PLD5: variants seen among roughly 807,000 people sequenced by gnomAD.
PLD5 encodes the protein phospholipase D family member 5.
A neutral mutation model predicts 61.1 loss-of-function variants in PLD5; 36 were observed. That is an observed-to-expected ratio of 0.59 (90% CI 0.45 to 0.78). The LOEUF is 0.78. Ranked by LOEUF, PLD5 falls within the 30% of genes least tolerant of loss-of-function variation. The probability of loss-of-function intolerance (pLI) is 0.00; values close to 1 mark genes in which losing one functional copy is unlikely to be tolerated. For synonymous variants in PLD5, 243 were observed against 242.8 expected (o/e 1.00, Z -0.01); for missense variants, 515 against 644.4 (o/e 0.80, Z 2.17).
intron 1 of PLD5, among the ~76,000 whole-genome samples, chr1:242,442,311 G>C (rs1021514955): frequency 6.6e-6 from 1 of 152,176 alleles, no homozygotes; most frequent in African/African-American, 2.4e-5. Context: ...CAACTGAGAA[G>C]TTCTAAAACA....
At position 242,256,959 on chromosome 1, in the gene PLD5, T is replaced by A. The variant is rs1673087181; in HGVS notation, c.607+8378A>T. Among the ~76,000 whole-genome samples the A allele has an allele frequency of 6.6e-6, 1 of 152,046 alleles. No homozygotes were observed. The highest frequency in any genetic ancestry group is 2.4e-5 in the African/African-American group (1 of 41,406). ...ATCTATCTCTACCTACTGTCTTCTA[T>A]CTATATCTATCTACCTACCTACCTA... On this transcript the variant is annotated intron_variant, in intron 4 of 9. Transcript: ENST00000536534. This position sits in a 1 kb window ranked among gnomAD's most constrained non-coding sequence, Gnocchi z 5.7.
intron 1 of PLD5, among the ~76,000 whole-genome samples, chr1:242,395,996 C>T (rs1290008385): frequency 6.6e-6 from 1 of 152,006 alleles, no homozygotes; most frequent in East Asian, 1.9e-4. Flanking sequence ...TGCAGTGAGG[C>T]GAGATTGCGC....
chr1:242,206,779 G>A (rs1669342271), intron 5 of PLD5, among the ~76,000 whole-genome samples: 1 of 152,156 alleles, frequency 6.6e-6, no homozygotes, highest in Admixed American at 6.5e-5. Context: ...TGGCATTCCT[G>A]CCTCAGGAAT....
intron 5 of PLD5, among the ~76,000 whole-genome samples, chr1:242,179,473 A>G (rs944821002): frequency 1.6e-4 from 25 of 152,158 alleles, no homozygotes; most frequent in African/African-American, 4.8e-4. Flanking sequence ...TCAGTCCCTC[A>G]CTGTCAGCCA....
At chr1:242,416,780 A>G (rs550254553) in intron 1 of PLD5, among the ~76,000 whole-genome samples, 9 of 152,370 alleles carry the variant, frequency 5.9e-5, no homozygotes, top group African/African-American at 9.6e-5. Context: ...CATTGATTCA[A>G]TAGATTCCCC....
chr1:242,246,186 G>C (rs1316027272), intron 4 of PLD5, among the ~76,000 whole-genome samples: 1 of 151,904 alleles, frequency 6.6e-6, no homozygotes. Context: ...TGGCAACACA[G>C]TGAGACCCCC....
chr1:242,106,107 T>C (rs377666836), intron 8 of PLD5, among the ~76,000 whole-genome samples: 2 of 152,310 alleles, frequency 1.3e-5, no homozygotes, highest in South Asian at 4.1e-4. Flanking sequence ...TTATAATTGC[T>C]GTGGACCAGG....
intron 1 of PLD5, among the ~76,000 whole-genome samples, chr1:242,445,694 T>G (rs1290043917): frequency 6.6e-6 from 1 of 151,976 alleles, no homozygotes; most frequent in Non-Finnish European, 1.5e-5. Context: ...TAGAGCAGCC[T>G]GAACAGACTA....
intron 2 of PLD5, among the ~76,000 whole-genome samples, chr1:242,298,227 C>T (rs1381394849): frequency 3.9e-5 from 6 of 152,124 alleles, no homozygotes; most frequent in Non-Finnish European, 5.9e-5. Context: ...GGCAGATGAA[C>T]GCCTCATTAT....
intron 1 of PLD5, among the ~76,000 whole-genome samples, chr1:242,421,215 C>G (rs34483990): frequency 0.068 from 9,942 of 145,588 alleles, 413 homozygotes; most frequent in Middle Eastern, 0.18. Flanking sequence ...GTTTCAGTTA[C>G]TTAATTTTAA....
intron 4 of PLD5, among the ~76,000 whole-genome samples, chr1:242,248,319 C>T (rs1672507264): frequency 6.6e-6 from 1 of 152,204 alleles, no homozygotes. Context: ...TGTACATTAA[C>T]CTAATAATGT....
At chr1:242,297,003 C>G (rs1454005882) in intron 2 of PLD5, among the ~76,000 whole-genome samples, 3 of 152,150 alleles carry the variant, frequency 2.0e-5, no homozygotes, top group Non-Finnish European at 2.9e-5. Flanking sequence ...ACACACTACT[C>G]TGCTCTGACC....
intron 5 of PLD5, among the ~76,000 whole-genome samples, chr1:242,166,517 A>G (rs1303643611): frequency 6.6e-6 from 1 of 152,212 alleles, no homozygotes; most frequent in Admixed American, 6.5e-5. Flanking sequence ...GCATACCTCC[A>G]GGCTTTTCTC....
chr1:242,490,195 T>C (rs959136665), intron 1 of PLD5, among the ~76,000 whole-genome samples: 14 of 152,178 alleles, frequency 9.2e-5, no homozygotes, highest in African/African-American at 3.1e-4. Flanking sequence ...CCAGAAGCAG[T>C]CTCTGTTAGG....
intron 2 of PLD5, among the ~76,000 whole-genome samples, chr1:242,332,852 A>G (rs994741826): frequency 6.6e-6 from 1 of 152,170 alleles, no homozygotes; most frequent in African/African-American, 2.4e-5. Context: ...AAAAACTAAT[A>G]CTTGACGTTC....
chr1:242,419,466 G>A (rs1046954342), intron 1 of PLD5, among the ~76,000 whole-genome samples: 3 of 148,670 alleles, frequency 2.0e-5, no homozygotes, highest in Non-Finnish European at 4.4e-5. Flanking sequence ...TGCGATCTCA[G>A]CTCATGGCAA....
At position 242,150,031 on chromosome 1, in the gene PLD5, A is replaced by G. The variant is rs141383596; in HGVS notation, c.736-25366T>C. On this transcript the variant is annotated intron_variant, in intron 5 of 9. Coordinates refer to ENST00000536534, the MANE Select transcript of PLD5 (RefSeq NM_001372062.1). ...GCAACCAAAATTTTTGATATGCTCT[A>G]TTTTTATCTTCACTCAAATCAAAAT... 2.2e-3 allele frequency among the ~76,000 whole-genome samples: 332 copies of G among 151,886 alleles called. 2 individuals are homozygous for G. Among genetic ancestry groups the G allele is most frequent in the African/African-American group, 7.6e-3 (315 of 41,508 alleles).
intron 1 of PLD5, among the ~76,000 whole-genome samples, chr1:242,521,964 A>G (rs1011078384): frequency 7.5e-6 from 1 of 133,060 alleles, no homozygotes; most frequent in Non-Finnish European, 1.7e-5. Context: ...CTAGCTCTTG[A>G]ATTCAAAAAA....
chr1:242,229,789 C>CT (rs1267925075), intron 4 of PLD5, among the ~76,000 whole-genome samples: 1 of 151,720 alleles, frequency 6.6e-6, no homozygotes, highest in African/African-American at 2.4e-5. Context: ...CCTTGGGATT[C>CT]TTTTTTTCCT....
Sources: allele counts gnomAD v4.1 joint callset (sites outside exome capture counted in the v4.1 genomes callset), GRCh38; gene constraint gnomAD v4.1.1; non-coding constraint Gnocchi (gnomAD v3.1); transcripts MANE v1.5; gene names NCBI Gene and HGNC (gene_info 2026-07-23, HGNC 2026-07-21).